The following NCOR2 variants were observed in gnomAD, a reference collection of about 807,000 sequenced individuals.
NCOR2 encodes the protein CTG repeat protein 26.
NCOR2 carries 81 observed loss-of-function variants against 262.9 expected under a neutral mutation model. The observed-to-expected ratio is 0.31, with a 90% CI of 0.26 to 0.37. The LOEUF is 0.37. NCOR2 is among the 10% of genes least tolerant of loss of function. The pLI, the probability that NCOR2 is intolerant of heterozygous loss-of-function variation, is 1.00. For synonymous variants in NCOR2, 1,659 were observed against 1,559.3 expected, an observed-to-expected ratio of 1.06 and a Z score of -1.51; for missense variants, 3,385 against 3,621.4, an observed-to-expected ratio of 0.93 and a Z score of 1.68.
intron 13 of NCOR2, among the ~76,000 whole-genome samples, chr12:124,404,624 T>C (rs1252862142): frequency 1.3e-5 from 2 of 152,202 alleles, no homozygotes; most frequent in Non-Finnish European, 2.9e-5. Context: ...GGGAGAGGGA[T>C]GCATCTGGGC....
chr12:124,360,889 A>AT (rs2038522907), intron 22 of NCOR2, among the ~76,000 whole-genome samples: 2 of 152,082 alleles, frequency 1.3e-5, no homozygotes, highest in Non-Finnish European at 2.9e-5. Context: ...TTGCTTCGTT[A>AT]CGTGTTCCCT....
intron 15 of NCOR2, among the ~76,000 whole-genome samples, chr12:124,399,694 C>T (rs965968784): frequency 6.6e-6 from 1 of 152,176 alleles, no homozygotes; most frequent in Non-Finnish European, 1.5e-5. Context: ...GCAGCATCTC[C>T]ACCCTGAGAA....
rs1343171032 is a variant in NCOR2, at chr12:124,523,238, T to C, written c.-118+12327A>G. ...GCTGGCAGCTGGCAGAGTTAATTGCTCACTCAAGACTCACTTCCAACTGCA... is the reference window on the plus strand; with the variant it reads ...GCTGGCAGCTGGCAGAGTTAATTGCCCACTCAAGACTCACTTCCAACTGCA... On this transcript the variant is annotated intron_variant, in intron 1 of 46. Coordinates refer to the NCOR2 transcript ENST00000404621. The surrounding 1 kb of genome is among the most constrained non-coding windows in gnomAD (Gnocchi z 4.0). 1.3e-5 allele frequency among the ~76,000 whole-genome samples: 2 copies of C among 152,156 alleles called. No homozygotes were observed. Among genetic ancestry groups the C allele is most frequent in the Non-Finnish European group, 2.9e-5 (2 of 68,022 alleles).
At chr12:124,433,298 G>A (rs923324583) in intron 8 of NCOR2, among the ~76,000 whole-genome samples, 10 of 152,226 alleles carry the variant, frequency 6.6e-5, no homozygotes, top group East Asian at 3.9e-4. Context: ...CTGCAGGGAC[G>A]GCAACAACCA....
intron 16 of NCOR2, among the ~76,000 whole-genome samples, chr12:124,394,086 C>T (rs73225415): frequency 0.1 from 15,748 of 152,294 alleles, 969 homozygotes; most frequent in South Asian, 0.15. Context: ...TAGGTACCTG[C>T]TCAGGGTCAG....
intron 1 of NCOR2, among the ~76,000 whole-genome samples, chr12:124,512,497 A>C (rs1053063063): frequency 2.0e-5 from 3 of 152,192 alleles, no homozygotes; most frequent in African/African-American, 7.2e-5. Context: ...TCATCTCAAA[A>C]CACATCTGCA....
chr12:124,426,294 AGAG>A (rs1247684646), intron 11 of NCOR2, among the ~76,000 whole-genome samples: 1 of 152,228 alleles, frequency 6.6e-6, no homozygotes, highest in East Asian at 1.9e-4. Flanking sequence ...CCTTATAAGA[AGAG>A]GAGAAGCACA....
chr12:124,350,727 G>T, exon 28 of NCOR2: 1 of 1,611,532 alleles, frequency 6.2e-7, no homozygotes, highest in African/African-American at 1.3e-5. Context: ...CAGGACGTCA[G>T]CTGGCGTGCC....
In NCOR2 at chr12:124,372,627, G is replaced by T; in HGVS notation, c.2219-17C>A. On this transcript the variant is annotated splice_polypyrimidine_tract_variant and intron_variant, in intron 19 of 46. Coordinates refer to ENST00000405201, the Ensembl canonical transcript of NCOR2. The stretch of plus-strand genomic sequence containing the variant: ...TGACAGTGGCTGTGCAGGGCGAGAA[G>T]GAAGAGGGGATGAGCAGGGTCTGGC... The T allele has an allele frequency of 6.3e-7, 1 of 1,590,178 alleles. No homozygotes were observed.
chr12:124,509,184 G>A (rs1465944968), intron 1 of NCOR2, among the ~76,000 whole-genome samples: 1 of 148,530 alleles, frequency 6.7e-6, no homozygotes, highest in Admixed American at 6.7e-5. Context: ...TCAGTCCTGG[G>A]GTCTCAGGGA....
chr12:124,335,680 G>C (rs764394638), intron 38 of NCOR2, 48 bp from the exon 41 acceptor site: 1 of 1,552,342 alleles, frequency 6.4e-7, no homozygotes, highest in Non-Finnish European at 8.7e-7. Flanking sequence ...CCAGGGTTTC[G>C]GAGCCCGAGG....
intron 17 of NCOR2, among the ~76,000 whole-genome samples, chr12:124,384,545 G>A (rs936402957): frequency 3.9e-5 from 6 of 152,150 alleles, no homozygotes; most frequent in African/African-American, 7.2e-5. Context: ...AGCCACCAGC[G>A]GCCGCGCGCA....
At chr12:124,495,257 T>C (rs531976037), upstream of NCOR2, 157 of 1,610,232 alleles carry the variant, frequency 9.8e-5, no homozygotes, top group Non-Finnish European at 1.3e-4. This position sits in a 1 kb window ranked among gnomAD's most constrained non-coding sequence, Gnocchi z 4.4. Flanking sequence ...GACATGGTGG[T>C]GGGGGTCGGC....
exon 13 of NCOR2, chr12:124,420,002 A>G: frequency 5.6e-6 from 9 of 1,613,946 alleles, no homozygotes; most frequent in Non-Finnish European, 7.6e-6. Flanking sequence ...CCAGGCTCTT[A>G]TAGTTCTCAT....
At chr12:124,525,489 T>C (rs560856978) in intron 1 of NCOR2, among the ~76,000 whole-genome samples, 39 of 152,226 alleles carry the variant, frequency 2.6e-4, no homozygotes, top group Non-Finnish European at 5.1e-4. Context: ...AAGCGCCGCA[T>C]CTTGTTTGCT....
chr12:124,423,909 G>T (rs988126361), intron 11 of NCOR2, among the ~76,000 whole-genome samples: 4 of 152,228 alleles, frequency 2.6e-5, no homozygotes, highest in Non-Finnish European at 5.9e-5. Flanking sequence ...CACATGGCCA[G>T]CACGTGGTGG....
Position 124,412,786 on chromosome 12 carries a change from C to T in NCOR2, c.1482+7171G>A, listed in dbSNP as rs181369332. ...CTTGGAAATGCAGAGTCTTGGATCTCGGCCTTATTGTGGGGTGAGGGGTGC... is the reference window on the plus strand; with the variant it reads ...CTTGGAAATGCAGAGTCTTGGATCTTGGCCTTATTGTGGGGTGAGGGGTGC... On this transcript the variant is annotated intron_variant, in intron 13 of 46. Transcript: ENST00000405201. 9.3e-4 allele frequency among the ~76,000 whole-genome samples: 141 copies of T among 152,356 alleles called. 1 individual carries two copies. Among genetic ancestry groups the T allele is most frequent in the Non-Finnish European group, 3.8e-4 (26 of 68,030 alleles).
At chr12:124,567,607 G>A (rs1489026765), upstream of NCOR2, 1 of 124,504 alleles carries the variant, frequency 8.0e-6, no homozygotes, top group Non-Finnish European at 1.8e-5. Flanking sequence ...CCGCGGCGGC[G>A]GTGGCGGCGG....
rs58967881 is a variant in NCOR2 at position 124,325,377 on chromosome 12, G to GCCCCCCCCCC, written c.*15_*24dup. ...CTGTGGCTCGCTGGGACCTGACACC[G>GCCCCCCCCCC]CCCCCCCCCCCGCCCTGTTCTGAGT... On this transcript the variant is annotated 3_prime_UTR_variant, in exon 47 of 47. Coordinates refer to ENST00000405201, the Ensembl canonical transcript of NCOR2. 2.5e-3 allele frequency: 616 copies of GCCCCCCCCCC among 250,792 alleles called. 24 individuals are homozygous for GCCCCCCCCCC. Among genetic ancestry groups the GCCCCCCCCCC allele is most frequent in the Middle Eastern group, 3.6e-3 (2 of 554 alleles). 15.5% of individuals were successfully genotyped at this position (250,792 alleles called of 1,614,324 possible).
Sources: allele counts gnomAD v4.1 joint callset (sites outside exome capture counted in the v4.1 genomes callset), GRCh38; gene constraint gnomAD v4.1.1; non-coding constraint Gnocchi (gnomAD v3.1); transcripts MANE v1.5; gene names NCBI Gene and HGNC (gene_info 2026-07-23, HGNC 2026-07-21).